Variants in PARVA observed in about 807,000 individuals in gnomAD.
PARVA encodes parvin alpha.
PARVA carries 25 observed loss-of-function variants against 52.6 expected under a neutral mutation model. That is an observed-to-expected ratio of 0.48 (90% CI 0.35 to 0.66). The LOEUF is 0.66. Among genes scored for constraint, PARVA ranks in the 30% least tolerant of loss-of-function variants. The probability of loss-of-function intolerance (pLI) is 0.01; values close to 1 mark genes in which losing one functional copy is unlikely to be tolerated. For missense variants in PARVA, 373 were observed against 450.9 expected, an observed-to-expected ratio of 0.83 and a Z score of 1.56; for synonymous variants, 185 against 179.1, an observed-to-expected ratio of 1.03 and a Z score of -0.26.
chr11:12,461,292 C>G (rs1940776819), intron 1 of PARVA, among the ~76,000 whole-genome samples: 1 of 152,146 alleles, frequency 6.6e-6, no homozygotes, highest in Non-Finnish European at 1.5e-5. Context: ...ATCTACATTT[C>G]CTATGTAATT....
chr11:12,425,831 G>A (rs184921358), intron 1 of PARVA, among the ~76,000 whole-genome samples: 59 of 152,300 alleles, frequency 3.9e-4, no homozygotes, highest in East Asian at 1.5e-3. Flanking sequence ...GTGTTGAGGC[G>A]TTAACAATTC....
At chr11:12,456,066 T>A (rs1049373562) in intron 1 of PARVA, among the ~76,000 whole-genome samples, 5 of 152,236 alleles carry the variant, frequency 3.3e-5, no homozygotes, top group African/African-American at 1.2e-4. Flanking sequence ...TGATAATTTC[T>A]TAAAGTCTCC....
chr11:12,380,475 A>G lies in PARVA; in HGVS notation c.136+2692A>G. 1.3e-5 allele frequency among the ~76,000 whole-genome samples: 2 copies of G among 150,866 alleles called. 1 individual carries two copies. The highest frequency in any genetic ancestry group is 3.9e-4 in the East Asian group (2 of 5,192). Reference sequence around the variant, plus strand: ...GAGCAAGGAGAGAGTGGCACAATAAATGCACATTCTGCATGTTCTCTGTCT... The same window carrying G: ...GAGCAAGGAGAGAGTGGCACAATAAGTGCACATTCTGCATGTTCTCTGTCT... On this transcript the variant is annotated intron_variant, in intron 1 of 12. Transcript: ENST00000334956.
chr11:12,450,435 A>C (rs554554829), intron 1 of PARVA, among the ~76,000 whole-genome samples: 27 of 152,300 alleles, frequency 1.8e-4, no homozygotes, highest in South Asian at 4.1e-4. Flanking sequence ...TGTTAACCCC[A>C]CTATTGAGCT....
chr11:12,404,594 G>A (rs955557769), intron 1 of PARVA, among the ~76,000 whole-genome samples: 8 of 152,230 alleles, frequency 5.3e-5, no homozygotes, highest in Non-Finnish European at 1.0e-4. Context: ...GGGATGGCAG[G>A]TGGCCAGGGC....
At chr11:12,451,188 T>A (rs1161406383) in intron 1 of PARVA, among the ~76,000 whole-genome samples, 1 of 152,228 alleles carries the variant, frequency 6.6e-6, no homozygotes, top group Non-Finnish European at 1.5e-5. Flanking sequence ...TGAGAGGATC[T>A]GGTCCTTATC....
At chr11:12,518,852 G>A (rs1206635291) in intron 12 of PARVA, among the ~76,000 whole-genome samples, 1 of 152,184 alleles carries the variant, frequency 6.6e-6, no homozygotes, top group Non-Finnish European at 1.5e-5. Flanking sequence ...CTGTGTCCCC[G>A]CCAGTCGGGG....
intron 1 of PARVA, among the ~76,000 whole-genome samples, chr11:12,385,180 T>G (rs2134946969): frequency 6.6e-6 from 1 of 152,108 alleles, no homozygotes; most frequent in Non-Finnish European, 1.5e-5. Context: ...TACAAAAAAA[T>G]TAGCCATGGG....
intron 1 of PARVA, among the ~76,000 whole-genome samples, chr11:12,382,512 C>T (rs1211489062): frequency 1.3e-5 from 2 of 151,834 alleles, no homozygotes; most frequent in Non-Finnish European, 2.9e-5. Context: ...CCTCGCAGTT[C>T]AAACCTGTGT....
Position 12,414,396 on chromosome 11 carries a change from C to T in PARVA, c.136+36613C>T, listed in dbSNP as rs113692092. On this transcript the variant is annotated intron_variant, in intron 1 of 12. Coordinates refer to ENST00000334956, the MANE Select transcript of PARVA (RefSeq NM_018222.5). ...TTAAATGCGAAACTTTTGTGTTAGC[C>T]GCCTGAAATGCCTTCGCTTTTGCTT... Among the ~76,000 whole-genome samples, 342 of 152,288 alleles carry T rather than the reference C, an allele frequency of 2.2e-3. 1 individual carries two copies. The highest frequency in any genetic ancestry group is 8.0e-3 in the African/African-American group (332 of 41,554).
chr11:12,514,124 A>G, intron 10 of PARVA, 59 bp downstream of exon 10: 1 of 1,378,804 alleles, frequency 7.3e-7, no homozygotes, highest in Non-Finnish European at 1.0e-6. Flanking sequence ...CCCCTGTTCC[A>G]AGTGGCCCAC....
chr11:12,407,043 G>T (rs1241726315), intron 1 of PARVA, among the ~76,000 whole-genome samples: 3 of 151,966 alleles, frequency 2.0e-5, no homozygotes, highest in Non-Finnish European at 4.4e-5. Flanking sequence ...TGTCTTATTA[G>T]ACCCTAGAAT....
At chr11:12,382,718 C>A (rs945651403) in intron 1 of PARVA, among the ~76,000 whole-genome samples, 6 of 152,176 alleles carry the variant, frequency 3.9e-5, no homozygotes, top group Admixed American at 1.3e-4. Flanking sequence ...TAGGATTAGA[C>A]ACATTTCAAT....
chr11:12,437,973 T>C (rs995469240), intron 1 of PARVA, among the ~76,000 whole-genome samples: 1 of 151,972 alleles, frequency 6.6e-6, no homozygotes, highest in Non-Finnish European at 1.5e-5. Flanking sequence ...AAGAATACCA[T>C]ACATAGGCCG....
intron 1 of PARVA, among the ~76,000 whole-genome samples, chr11:12,428,786 AGACT>A (rs1217207023): frequency 6.6e-6 from 1 of 152,210 alleles, no homozygotes. Context: ...AAAGCTTCTG[AGACT>A]GACCTTTGTC....
intron 1 of PARVA, among the ~76,000 whole-genome samples, chr11:12,453,720 T>A (rs1186837238): frequency 6.6e-6 from 1 of 152,232 alleles, no homozygotes; most frequent in Admixed American, 6.5e-5. Flanking sequence ...GGTTGATGGC[T>A]GAGCTGAAAT....
chr11:12,459,456 G>A (rs759163365), intron 1 of PARVA, among the ~76,000 whole-genome samples: 12 of 151,744 alleles, frequency 7.9e-5, no homozygotes, highest in South Asian at 2.1e-4. Context: ...AGAAAATAGC[G>A]TGTGCCCTAA....
At chr11:12,490,653 T>C (rs1016746471) in intron 4 of PARVA, among the ~76,000 whole-genome samples, 8 of 151,886 alleles carry the variant, frequency 5.3e-5, no homozygotes, top group African/African-American at 1.9e-4. Context: ...CCCCCAAAAA[T>C]ACCTAAAATG....
upstream of PARVA, among the ~76,000 whole-genome samples, chr11:12,377,007 A>G (rs1281512817): frequency 6.6e-6 from 1 of 152,162 alleles, no homozygotes; most frequent in Non-Finnish European, 1.5e-5. Context: ...ACCCTTGTGC[A>G]CTCCAAGCTT....
Sources: gnomAD v4.1 joint callset for allele counts (sites outside exome capture counted in the v4.1 genomes callset) on GRCh38, gnomAD v4.1.1 for gene constraint, MANE v1.5 for transcripts, NCBI Gene and HGNC (gene_info 2026-07-23, HGNC 2026-07-21) for gene names.